NR1H4: variants seen among roughly 807,000 people sequenced by gnomAD.
The protein encoded by NR1H4 is nuclear receptor subfamily 1 group H member 4, also known as bile acid receptor.
A neutral mutation model predicts 58.5 loss-of-function variants in NR1H4; 23 were observed. That is an observed-to-expected ratio of 0.39 (90% CI 0.28 to 0.56). The LOEUF (loss-of-function observed/expected upper bound fraction) is 0.56. NR1H4 is among the 20% of genes least tolerant of loss of function. The probability of loss-of-function intolerance (pLI) is 0.58; values close to 1 mark genes in which losing one functional copy is unlikely to be tolerated. For missense variants in NR1H4, 487 were observed against 576.9 expected, an observed-to-expected ratio of 0.84 and a Z score of 1.60; for synonymous variants, 214 against 198.0, an observed-to-expected ratio of 1.08 and a Z score of -0.68.
intron 9 of NR1H4, among the ~76,000 whole-genome samples, chr12:100,541,350 C>T (rs138291455): frequency 2.6e-4 from 39 of 149,696 alleles, no homozygotes; most frequent in African/African-American, 7.4e-4. Flanking sequence ...GGTGTGATCT[C>T]GGCTCACTGC....
intron 3 of NR1H4, among the ~76,000 whole-genome samples, chr12:100,508,926 G>A (rs889680992): frequency 1.3e-5 from 2 of 152,130 alleles, no homozygotes; most frequent in Non-Finnish European, 2.9e-5. Context: ...ATATTCATAC[G>A]TTTCCCTGTG....
At chr12:100,498,651 C>A (rs1406218983) in intron 3 of NR1H4, among the ~76,000 whole-genome samples, 8 of 151,730 alleles carry the variant, frequency 5.3e-5, no homozygotes, top group Admixed American at 5.3e-4. Context: ...AAAAAAACAC[C>A]AAAAAACAAA....
At chr12:100,505,771 C>A in intron 3 of NR1H4, 1 of 528,108 alleles carries the variant, frequency 1.9e-6, no homozygotes, top group South Asian at 2.9e-5. Flanking sequence ...AATAAATTTA[C>A]CTTTTCAGAA....
chr12:100,519,057 C>T (rs1023085760), intron 4 of NR1H4, among the ~76,000 whole-genome samples: 4 of 151,988 alleles, frequency 2.6e-5, no homozygotes, highest in East Asian at 1.9e-4. Context: ...CAAAGTGCTG[C>T]GGTTGCAGGC....
Position 100,512,224 on chromosome 12 carries a change from C to T in NR1H4, c.445+1081C>T, listed in dbSNP as rs1240795126. 2.0e-5 allele frequency among the ~76,000 whole-genome samples: 3 copies of T among 151,880 alleles called. No individual in the cohort carries two copies. The South Asian group carries it at 6.2e-4, about 32-fold the overall frequency. ...CTCCAGACTGAATGACAGAGAGAGA[C>T]CCTGCCTCAAAAAATATATATTTTA... On this transcript the variant is annotated intron_variant, in intron 4 of 10. Coordinates refer to ENST00000392986, the MANE Select transcript of NR1H4 (RefSeq NM_001206979.2).
In NR1H4 at chr12:100,511,138, G is replaced by A. The variant is rs1303758166; in HGVS notation, c.440G>A (p.Cys147Tyr). Residue 147 changes from cysteine (C) to tyrosine (Y), a missense_variant, in exon 4 of 11, where the codon TGT becomes TAT. Coordinates refer to ENST00000392986, the MANE Select transcript of NR1H4 (RefSeq NM_001206979.2). ...YHYNALTCEG[C>Y]KGFFRRSITK... Reference sequence around the variant, plus strand: ...TATAATGCACTGACCTGTGAGGGGTGTAAAGGTAAGCATCTTTGATTGGCA... The same window carrying A: ...TATAATGCACTGACCTGTGAGGGGTATAAAGGTAAGCATCTTTGATTGGCA... 1.2e-6 allele frequency: 2 copies of A among 1,614,130 alleles called. No homozygotes were observed. The highest frequency in any genetic ancestry group is 1.7e-6 in the Non-Finnish European group (2 of 1,180,054).
chr12:100,548,096 G>A (rs1042051916), intron 9 of NR1H4, among the ~76,000 whole-genome samples: 3 of 150,186 alleles, frequency 2.0e-5, no homozygotes, highest in Non-Finnish European at 3.0e-5. Flanking sequence ...AGCTGAGTGC[G>A]GTGGCTCACA....
chr12:100,491,841 C>T lies in NR1H4; in HGVS notation c.-189-662C>T, dbSNP rs11110394. Among the ~76,000 whole-genome samples the T allele has an allele frequency of 1.4e-3, 220 of 152,106 alleles. 2 individuals carry two copies. In the East Asian group the frequency reaches 0.036, roughly 25 times the overall value. ...TGTCTTCCCATCAATGCAGATTGCTCTAGTATCGCCCATCTTTAAAAATTG... is the reference window on the plus strand; with the variant it reads ...TGTCTTCCCATCAATGCAGATTGCTTTAGTATCGCCCATCTTTAAAAATTG... On this transcript the variant is annotated intron_variant, in intron 1 of 10. Transcript: ENST00000392986.
intron 3 of NR1H4, among the ~76,000 whole-genome samples, chr12:100,496,275 G>T (rs1375847047): frequency 6.6e-6 from 1 of 152,132 alleles, no homozygotes; most frequent in African/African-American, 2.4e-5. Context: ...GATGCCCAAG[G>T]TAGTGATACA....
At chr12:100,500,163 G>A (rs1470157065) in intron 3 of NR1H4, 3 of 335,714 alleles carry the variant, frequency 8.9e-6, no homozygotes, top group Middle Eastern at 1.0e-3. Flanking sequence ...CAATGTTTAA[G>A]TCTCCAGGCT....
intron 3 of NR1H4, among the ~76,000 whole-genome samples, chr12:100,494,540 C>A (rs2136106753): frequency 6.6e-6 from 1 of 152,230 alleles, no homozygotes; most frequent in African/African-American, 2.4e-5. Flanking sequence ...TTAGAGAGAC[C>A]AAAGGCGGCA....
In NR1H4 at chr12:100,563,521, T is replaced by C. The variant is rs763104441; in HGVS notation, c.*32T>C. 1 of 1,502,208 alleles carries C rather than the reference T, an allele frequency of 6.7e-7. No homozygotes were observed. Among genetic ancestry groups the C allele is most frequent in the South Asian group, 1.1e-5 (1 of 88,798 alleles). 93.1% of individuals were successfully genotyped at this position (1,502,208 alleles called of 1,614,324 possible). On this transcript the variant is annotated 3_prime_UTR_variant, in exon 11 of 11. Transcript: ENST00000392986. Reference sequence around the variant, plus strand: ...TTACAGGGGAGGGGTCTAGCTCCTTTTTCTCTCTCATATTAATCTGATGTA... The same window carrying C: ...TTACAGGGGAGGGGTCTAGCTCCTTCTTCTCTCTCATATTAATCTGATGTA...
At chr12:100,552,505 C>T (rs1955225371) in intron 9 of NR1H4, among the ~76,000 whole-genome samples, 1 of 152,194 alleles carries the variant, frequency 6.6e-6, no homozygotes, top group African/African-American at 2.4e-5. Context: ...CATCACATCT[C>T]ACAACTATGT....
chr12:100,549,857 G>A (rs923976295), intron 9 of NR1H4, among the ~76,000 whole-genome samples: 5 of 152,016 alleles, frequency 3.3e-5, no homozygotes, highest in African/African-American at 4.8e-5. Flanking sequence ...TCAGAACATT[G>A]CCTCTTCCAC....
intron 1 of NR1H4, among the ~76,000 whole-genome samples, chr12:100,491,263 G>T (rs1953599512): frequency 6.6e-6 from 1 of 152,066 alleles, no homozygotes; most frequent in African/African-American, 2.4e-5. Flanking sequence ...ATGGGGCAGA[G>T]CAGTGCCCAA....
chr12:100,516,076 C>T (rs185564875), intron 4 of NR1H4, among the ~76,000 whole-genome samples: 2 of 152,316 alleles, frequency 1.3e-5, no homozygotes, highest in East Asian at 1.9e-4. Flanking sequence ...TAAGGCCACT[C>T]ATCTGGCCAA....
rs1271889061 is a variant in NR1H4 at position 100,532,452 on chromosome 12, C to G, written c.446-6C>G. 12 of 1,613,954 alleles carry G rather than the reference C, an allele frequency of 7.4e-6. No individual in the cohort carries two copies. Among genetic ancestry groups the G allele is most frequent in the East Asian group, 2.2e-5 (1 of 44,866 alleles). On this transcript the variant is annotated splice_polypyrimidine_tract_variant and splice_region_variant and intron_variant, in intron 4 of 10. Transcript: ENST00000392986. ...CTTTTTACACTTTTCAGTGTTTCTC[C>G]CACAGGTTTCTTCAGGAGAAGCATT...
At chr12:100,530,955 G>T (rs1954677115) in intron 4 of NR1H4, among the ~76,000 whole-genome samples, 1 of 152,174 alleles carries the variant, frequency 6.6e-6, no homozygotes, top group Non-Finnish European at 1.5e-5. Context: ...GTGGCTGACT[G>T]CTCATGGATA....
intron 3 of NR1H4, among the ~76,000 whole-genome samples, 171 bp from the exon 4 acceptor site, chr12:100,510,607 T>TATATATA (rs1954081320): frequency 1.5e-5 from 2 of 133,694 alleles, no homozygotes; most frequent in African/African-American, 5.6e-5. Flanking sequence ...TCATTTAATT[T>TATATATA]TATATATATA....
Sources: gnomAD v4.1 joint callset for allele counts (sites outside exome capture counted in the v4.1 genomes callset) on GRCh38, gnomAD v4.1.1 for gene constraint, MANE v1.5 for transcripts, NCBI Gene and HGNC (gene_info 2026-07-23, HGNC 2026-07-21) for gene names.